The following PARP16 variants were observed in gnomAD, a reference collection of about 807,000 sequenced individuals.
The protein encoded by PARP16 is protein mono-ADP-ribosyltransferase PARP16.
In PARP16, 31 loss-of-function variants were observed where a neutral mutation model predicts 35.0. The ratio of observed to expected loss-of-function variants is 0.88; its 90% CI spans 0.66 to 1.19. The LOEUF is 1.19. Ranked by LOEUF, PARP16 falls within the 50% of genes most tolerant of loss-of-function variation. PARP16 has a pLI of 0.00. For synonymous variants in PARP16, 162 were observed against 169.5 expected, an observed-to-expected ratio of 0.96 and a Z score of 0.34; for missense variants, 424 against 411.2, an observed-to-expected ratio of 1.03 and a Z score of -0.27.
chr15:65,266,837 TA>T, intron 2 of PARP16, 69 bp from the exon 3 acceptor site: 1 of 1,137,926 alleles, frequency 8.8e-7, no homozygotes, highest in Non-Finnish European at 1.3e-6. Flanking sequence ...AATAGCCCCC[TA>T]AACTCTCAGG....
downstream of PARP16, among the ~76,000 whole-genome samples, chr15:65,256,466 C>T (rs1366397566): frequency 1.5e-5 from 2 of 136,570 alleles, no homozygotes; most frequent in African/African-American, 2.7e-5. Context: ...GGAGTGCAGT[C>T]GCACAATCTC....
At chr15:65,280,283 A>C (rs911679523) in intron 1 of PARP16, among the ~76,000 whole-genome samples, 1 of 151,824 alleles carries the variant, frequency 6.6e-6, no homozygotes, top group African/African-American at 2.4e-5. Flanking sequence ...CTAAAAATAC[A>C]AAAATTAGCC....
chr15:65,282,264 C>G (rs2090442643), intron 1 of PARP16, among the ~76,000 whole-genome samples: 1 of 152,208 alleles, frequency 6.6e-6, no homozygotes, highest in Non-Finnish European at 1.5e-5. Flanking sequence ...CCGCCCCAGC[C>G]TCCCAGAGGG....
At chr15:65,270,486 G>C (rs1052942735) in intron 2 of PARP16, among the ~76,000 whole-genome samples, 2 of 152,180 alleles carry the variant, frequency 1.3e-5, no homozygotes, top group African/African-American at 4.8e-5. Flanking sequence ...GTTTCTTAAG[G>C]TATGGTCAGG....
chr15:65,253,447 C>T (rs2089414241), downstream of PARP16, among the ~76,000 whole-genome samples: 1 of 151,106 alleles, frequency 6.6e-6, no homozygotes, highest in Admixed American at 6.6e-5. Flanking sequence ...TCTCCTGCCT[C>T]AGCCTCCCAA....
intron 2 of PARP16, among the ~76,000 whole-genome samples, chr15:65,268,832 G>A (rs1288721921): frequency 6.6e-6 from 1 of 152,060 alleles, no homozygotes. Context: ...TTGGCTCACT[G>A]CAGCCTCCAC....
At chr15:65,276,745 T>C (rs10083573) in intron 1 of PARP16, among the ~76,000 whole-genome samples, 61,361 of 151,808 alleles carry the variant, frequency 0.4, 14,042 homozygotes, top group East Asian at 0.86. Context: ...CTTTGGGAGG[T>C]TGAGGTGGGT....
chr15:65,266,521 C>T (rs2089894977), intron 3 of PARP16, 41 bp downstream of exon 3: 4 of 1,536,994 alleles, frequency 2.6e-6, no homozygotes, highest in Non-Finnish European at 3.6e-6. Flanking sequence ...CCACCTCCAT[C>T]CCTGCTTCCC....
At chr15:65,280,275 A>G (rs1020304546) in intron 1 of PARP16, among the ~76,000 whole-genome samples, 1 of 151,852 alleles carries the variant, frequency 6.6e-6, no homozygotes, top group Admixed American at 6.6e-5. Flanking sequence ...CATCTCTACT[A>G]AAAATACAAA....
At chr15:65,233,452 A>T (rs1477665838), downstream of PARP16, among the ~76,000 whole-genome samples, 1 of 151,864 alleles carries the variant, frequency 6.6e-6, no homozygotes, top group African/African-American at 2.4e-5. Context: ...TAACTTGTTA[A>T]GAGAAGCCGG....
At chr15:65,238,015 G>A (rs1375344384) in intron 3 of PARP16, among the ~76,000 whole-genome samples, 3 of 152,206 alleles carry the variant, frequency 2.0e-5, no homozygotes, top group African/African-American at 7.2e-5. Flanking sequence ...GCTGGACGCA[G>A]TGGCTCACGC....
chr15:65,270,843 G>T, intron 2 of PARP16, 92 bp downstream of exon 2: 1 of 1,266,864 alleles, frequency 7.9e-7, no homozygotes, highest in Non-Finnish European at 1.1e-6. Context: ...CAGGTCACTG[G>T]TACACAGGGA....
intron 3 of PARP16, among the ~76,000 whole-genome samples, chr15:65,240,639 T>C (rs902351422): frequency 1.3e-5 from 2 of 152,180 alleles, no homozygotes; most frequent in Non-Finnish European, 2.9e-5. Flanking sequence ...CCACAATTTT[T>C]TACCCATTCA....
downstream of PARP16, among the ~76,000 whole-genome samples, chr15:65,234,104 G>A (rs1237725596): frequency 6.6e-6 from 1 of 152,056 alleles, no homozygotes; most frequent in Non-Finnish European, 1.5e-5. Context: ...ACTTCTCCTC[G>A]GGAAAATGCA....
rs182969706 is a variant in PARP16, at chr15:65,264,284, G to C, written c.520-964C>G. On this transcript the variant is annotated intron_variant, in intron 3 of 5. Coordinates refer to ENST00000649807, the MANE Select transcript of PARP16 (RefSeq NM_001316943.2). Reference sequence around the variant, plus strand: ...ACAATTGCCAGCACAGTAATATCAAGCATGGCACTTATTCCTAATGATCCA... The same window carrying C: ...ACAATTGCCAGCACAGTAATATCAACCATGGCACTTATTCCTAATGATCCA... Among the ~76,000 whole-genome samples, 246 of 152,290 alleles carry C rather than the reference G, an allele frequency of 1.6e-3. 4 individuals are homozygous for C. Among genetic ancestry groups the C allele is most frequent in the African/African-American group, 5.8e-3 (241 of 41,554 alleles).
At chr15:65,263,959 TG>T (rs1339079678) in intron 3 of PARP16, among the ~76,000 whole-genome samples, 1 of 152,024 alleles carries the variant, frequency 6.6e-6, no homozygotes, top group East Asian at 1.9e-4. Context: ...AGTCATTACT[TG>T]GAAAAGAAAT....
Position 65,286,712 on chromosome 15 carries a change from G to C in PARP16, c.-286C>G, listed in dbSNP as rs191111106. ...GGGATAAAGGAACTGGGGCTGGTGG[G>C]GGGGAGGGGTTCCCGGCCTAGGGGA... On this transcript the variant is annotated 5_prime_UTR_variant, in exon 1 of 6. Coordinates refer to ENST00000649807, the MANE Select transcript of PARP16 (RefSeq NM_001316943.2). 402 of 375,280 alleles carry C rather than the reference G, an allele frequency of 1.1e-3. 1 individual carries two copies. The highest frequency in any genetic ancestry group is 6.2e-3 in the African/African-American group (294 of 47,426). 23.2% of individuals were successfully genotyped at this position (375,280 alleles called of 1,614,324 possible).
At chr15:65,243,411 T>C (rs2089131248) in intron 3 of PARP16, among the ~76,000 whole-genome samples, 1 of 152,064 alleles carries the variant, frequency 6.6e-6, no homozygotes, top group South Asian at 2.1e-4. Context: ...CCACCATACC[T>C]GGCTAATTTT....
chr15:65,286,428 C>T lies in PARP16; in HGVS notation c.-2G>A. 6.7e-7 allele frequency: 1 copy of T among 1,493,338 alleles called. No homozygotes were observed. The highest frequency in any genetic ancestry group is 8.9e-7 in the Non-Finnish European group (1 of 1,125,112). The allele number at this position is 1,493,338 out of a possible 1,614,324, so 92.5% of individuals were successfully genotyped here. A position where few individuals can be genotyped will look rare whatever the true frequency, so the allele number is the denominator to read the frequency against. Reference sequence around the variant, plus strand: ...GGCCGCCCAGCCTGAGGGCTGCATCCCAGGTCACTGCGCGTTGCCGGGGTA... The same window carrying T: ...GGCCGCCCAGCCTGAGGGCTGCATCTCAGGTCACTGCGCGTTGCCGGGGTA... On this transcript the variant is annotated 5_prime_UTR_variant, in exon 1 of 6. Coordinates refer to ENST00000649807, the MANE Select transcript of PARP16 (RefSeq NM_001316943.2).
Sources: gnomAD v4.1 joint callset for allele counts (sites outside exome capture counted in the v4.1 genomes callset) on GRCh38, gnomAD v4.1.1 for gene constraint, MANE v1.5 for transcripts, NCBI Gene and HGNC (gene_info 2026-07-23, HGNC 2026-07-21) for gene names.